The following SLCO1B1 variants were observed in gnomAD, a reference collection of about 807,000 sequenced individuals.
SLCO1B1 encodes OATP-2.
Under a neutral mutation model 70.1 loss-of-function variants are expected in SLCO1B1, and 81 were observed. The ratio of observed to expected loss-of-function variants is 1.16; its 90% CI spans 0.97 to 1.39. The LOEUF (loss-of-function observed/expected upper bound fraction) is 1.39. Ranked by LOEUF, SLCO1B1 falls within the 40% of genes most tolerant of loss-of-function variation. SLCO1B1 has a pLI of 0.00. For missense variants in SLCO1B1, 895 were observed against 799.6 expected, an observed-to-expected ratio of 1.12 and a Z score of -1.44; for synonymous variants, 283 against 271.5, an observed-to-expected ratio of 1.04 and a Z score of -0.42.
At chr12:21,210,683 T>C (rs1591821910) in intron 11 of SLCO1B1, among the ~76,000 whole-genome samples, 1 of 149,388 alleles carries the variant, frequency 6.7e-6, no homozygotes, top group Admixed American at 6.7e-5. Context: ...TGATTCTTCC[T>C]ACCCATGAGC....
intron 7 of SLCO1B1, among the ~76,000 whole-genome samples, chr12:21,182,858 G>C (rs1940921161): frequency 6.6e-6 from 1 of 152,138 alleles, no homozygotes; most frequent in African/African-American, 2.4e-5. Context: ...GGGTTCATGG[G>C]CCAGTGCAGA....
intron 12 of SLCO1B1, among the ~76,000 whole-genome samples, chr12:21,219,207 T>G (rs1245346102): frequency 6.6e-6 from 1 of 151,600 alleles, no homozygotes; most frequent in Non-Finnish European, 1.5e-5. Flanking sequence ...GTTAAGAAAA[T>G]AGAAAAAAAT....
chr12:21,169,688 T>C (rs961880508), intron 2 of SLCO1B1, among the ~76,000 whole-genome samples: 2 of 152,188 alleles, frequency 1.3e-5, no homozygotes, highest in African/African-American at 4.8e-5. Context: ...AATTTCAAGT[T>C]CTATGTCTGG....
chr12:21,194,399 T>C (rs1200090232), intron 7 of SLCO1B1, among the ~76,000 whole-genome samples: 2 of 151,872 alleles, frequency 1.3e-5, no homozygotes, highest in African/African-American at 4.8e-5. Flanking sequence ...TTTATTATTT[T>C]AATTATTTAT....
At chr12:21,211,093 C>T (rs1382466142) in intron 11 of SLCO1B1, among the ~76,000 whole-genome samples, 2 of 152,320 alleles carry the variant, frequency 1.3e-5, no homozygotes, top group South Asian at 4.1e-4. Context: ...ACTTCCAACA[C>T]TCTGTTGAAT....
At chr12:21,197,822 T>C (rs1941111766) in intron 8 of SLCO1B1, among the ~76,000 whole-genome samples, 1 of 152,118 alleles carries the variant, frequency 6.6e-6, no homozygotes, top group South Asian at 2.1e-4. Flanking sequence ...AGGTGGTAGT[T>C]AAGATAATTA....
chr12:21,234,544 C>G (rs11045887), intron 14 of SLCO1B1, among the ~76,000 whole-genome samples: 18,757 of 152,004 alleles, frequency 0.12, 1,586 homozygotes, highest in Non-Finnish European at 0.18. Context: ...CTAAATTTCT[C>G]CCAGAATTAG....
intron 14 of SLCO1B1, among the ~76,000 whole-genome samples, chr12:21,228,338 T>C (rs1247039826): frequency 6.6e-6 from 1 of 152,234 alleles, no homozygotes; most frequent in Non-Finnish European, 1.5e-5. Flanking sequence ...AATTGACAAC[T>C]ATTTTCTCTT....
intron 7 of SLCO1B1, among the ~76,000 whole-genome samples, chr12:21,189,700 G>A (rs1463328013): frequency 6.6e-6 from 1 of 151,982 alleles, no homozygotes; most frequent in Non-Finnish European, 1.5e-5. Context: ...AATTTGTCTT[G>A]GCCTCCCAAA....
intron 2 of SLCO1B1, among the ~76,000 whole-genome samples, chr12:21,143,093 A>G (rs543203994): frequency 6.6e-6 from 1 of 152,230 alleles, no homozygotes; most frequent in East Asian, 1.9e-4. Context: ...TTGTTGATAA[A>G]GAATATTAAA....
At chr12:21,205,567 A>G (rs1360998833) in intron 10 of SLCO1B1, among the ~76,000 whole-genome samples, 2 of 150,868 alleles carry the variant, frequency 1.3e-5, no homozygotes, top group African/African-American at 2.5e-5. Flanking sequence ...GTTTCTTCAT[A>G]GAATTATAAC....
At position 21,179,150 on chromosome 12, in the gene SLCO1B1, G is replaced by A. The variant is rs1454756961; in HGVS notation, c.727+130G>A. 20 of 657,536 alleles carry A rather than the reference G, an allele frequency of 3.0e-5. No homozygotes were observed. The East Asian group carries it at 4.4e-4, about 14-fold the overall frequency. 40.7% of individuals were successfully genotyped at this position (657,536 alleles called of 1,614,324 possible). On this transcript the variant is annotated intron_variant, in intron 7 of 14. Coordinates refer to ENST00000256958, the MANE Select transcript of SLCO1B1 (RefSeq NM_006446.5). ...TAATATAATTAGAAAGTTACAAGTA[G>A]GAAATAAATGTATTACTAATCAGAA...
Position 21,172,923 on chromosome 12 carries a change from G to A in SLCO1B1, c.226+132G>A, listed in dbSNP as rs569098460. On this transcript the variant is annotated intron_variant, in intron 3 of 14. Transcript: ENST00000256958. ...TTGGCAATAACTAAAAACATTTGTG[G>A]TTGTCATAACTGCACAGGGGTTGGG... is the stretch of plus-strand genomic sequence containing the variant. The A allele has an allele frequency of 5.7e-4, 487 of 853,668 alleles. 1 individual carries two copies. The highest frequency in any genetic ancestry group is 8.3e-4 in the Non-Finnish European group (450 of 542,968). 52.9% of individuals were successfully genotyped at this position (853,668 alleles called of 1,614,324 possible).
intron 1 of SLCO1B1, among the ~76,000 whole-genome samples, chr12:21,139,054 A>T (rs1940270189): frequency 6.6e-6 from 1 of 152,304 alleles, no homozygotes; most frequent in African/African-American, 2.4e-5. Flanking sequence ...ATTGAAATAA[A>T]CCAGGTTTGG....
At chr12:21,131,816 C>T (rs1258874064) in intron 1 of SLCO1B1, among the ~76,000 whole-genome samples, 1 of 151,800 alleles carries the variant, frequency 6.6e-6, no homozygotes, top group Non-Finnish European at 1.5e-5. Context: ...AAAGTCTTCT[C>T]AGTACAGTTT....
chr12:21,230,396 T>C (rs1305480078), intron 14 of SLCO1B1, among the ~76,000 whole-genome samples: 1 of 144,546 alleles, frequency 6.9e-6, no homozygotes, highest in Non-Finnish European at 1.5e-5. Context: ...AATGGTGCGA[T>C]CATGGCTCAC....
chr12:21,221,884 CCCAGCAAT>C (rs1238306573), intron 12 of SLCO1B1, among the ~76,000 whole-genome samples: 4 of 152,020 alleles, frequency 2.6e-5, no homozygotes, highest in African/African-American at 9.7e-5. Context: ...TACCATTTGA[CCCAGCAAT>C]CCAACTATTG....
intron 1 of SLCO1B1, among the ~76,000 whole-genome samples, chr12:21,139,512 G>T (rs2121035406): frequency 6.6e-6 from 1 of 152,092 alleles, no homozygotes; most frequent in East Asian, 1.9e-4. Context: ...CCACATTTAT[G>T]CACTATCCCT....
intron 7 of SLCO1B1, among the ~76,000 whole-genome samples, chr12:21,191,243 A>G (rs1028178653): frequency 1.4e-5 from 1 of 70,940 alleles, no homozygotes; most frequent in African/African-American, 3.9e-5. Context: ...GACATTTACT[A>G]TTAATAAGTC....
Sources: gnomAD v4.1 joint callset for allele counts (sites outside exome capture counted in the v4.1 genomes callset) on GRCh38, gnomAD v4.1.1 for gene constraint, MANE v1.5 for transcripts, NCBI Gene and HGNC (gene_info 2026-07-23, HGNC 2026-07-21) for gene names.